RIMS1: variants seen among roughly 807,000 people sequenced by gnomAD.
RIMS1 encodes regulating synaptic membrane exocytosis protein 1.
RIMS1 carries 83 observed loss-of-function variants against 214.1 expected under a neutral mutation model. That is an observed-to-expected ratio of 0.39 (90% CI 0.32 to 0.47). RIMS1 has a LOEUF of 0.47. Ranked by LOEUF, RIMS1 falls within the 20% of genes least tolerant of loss-of-function variation. The pLI is 0.99. For synonymous variants in RIMS1, 793 were observed against 786.8 expected, an observed-to-expected ratio of 1.01 and a Z score of -0.13; for missense variants, 2,050 against 2,161.8, an observed-to-expected ratio of 0.95 and a Z score of 1.03.
chr6:72,392,720 C>A lies in RIMS1; in HGVS notation c.4528C>A (p.Leu1510Met). Reference sequence around the variant, plus strand: ...TAGTTTAATATTTCCTGGAGTGCGACTGGGAGCTGACAGTCAATTCAGTGA... The same window carrying A: ...TAGTTTAATATTTCCTGGAGTGCGAATGGGAGCTGACAGTCAATTCAGTGA... Reference protein sequence around the residue: ...EGNLIFPGVRLGADSQFSDFL... With the variant: ...EGNLIFPGVRMGADSQFSDFL... The change falls in exon 31 of 34, where the codon CTG becomes ATG. Residue 1510 changes from leucine to methionine, a missense_variant. This residue lies in a region of RIMS1 where 121 missense variants were observed against 187.3 expected (regional missense o/e 0.65). Coordinates refer to ENST00000521978, the MANE Select transcript of RIMS1 (RefSeq NM_014989.7). 6.2e-7 allele frequency: 1 copy of A among 1,613,050 alleles called. No homozygotes were observed. The highest frequency in any genetic ancestry group is 8.5e-7 in the Non-Finnish European group (1 of 1,179,124).
intron 4 of RIMS1, among the ~76,000 whole-genome samples, chr6:72,168,530 C>T: frequency 6.6e-6 from 1 of 152,208 alleles, no homozygotes; most frequent in East Asian, 1.9e-4. Context: ...GGGAGGGGAA[C>T]ATGCACAGTG....
chr6:71,958,097 G>A (rs1436155797), intron 1 of RIMS1, among the ~76,000 whole-genome samples: 2 of 152,032 alleles, frequency 1.3e-5, no homozygotes, highest in Non-Finnish European at 2.9e-5. Context: ...GAGCTTAAAC[G>A]AGTCCCTATC....
chr6:72,317,243 A>G (rs1593212440), intron 28 of RIMS1: 1 of 294,628 alleles, frequency 3.4e-6, no homozygotes, highest in East Asian at 7.0e-5. Flanking sequence ...TCTCGCAGCA[A>G]GTAGGGCCGC....
Position 72,237,858 on chromosome 6 carries a change from T to A in RIMS1, c.1893T>A (p.Leu631=). 6.2e-7 allele frequency: 1 copy of A among 1,613,562 alleles called. No homozygotes were observed. Among genetic ancestry groups the A allele is most frequent in the Non-Finnish European group, 8.5e-7 (1 of 1,179,660 alleles). ...GAAAAATGACTGACTTAGGACGACT[T>A]GGTGCTTTCATCACCAAAGTAAAGA... ...VGGKMTDLGR[L]GAFITKVKKG... The change falls in exon 9 of 34, where the codon CTT becomes CTA. Residue 631 remains leucine (L), a synonymous_variant. Coordinates refer to ENST00000521978, the MANE Select transcript of RIMS1 (RefSeq NM_014989.7).
At chr6:72,166,366 A>G (rs1262761302) in intron 4 of RIMS1, among the ~76,000 whole-genome samples, 1 of 148,778 alleles carries the variant, frequency 6.7e-6, no homozygotes, top group Non-Finnish European at 1.5e-5. Context: ...ACCTGATTTT[A>G]TTTAAACTTG....
At chr6:71,984,697 G>T (rs1246657754) in intron 2 of RIMS1, among the ~76,000 whole-genome samples, 3 of 151,948 alleles carry the variant, frequency 2.0e-5, no homozygotes, top group Non-Finnish European at 4.4e-5. Flanking sequence ...TGTAAGTTGA[G>T]TCCTGTAAGT....
chr6:72,290,689 A>G lies in RIMS1; in HGVS notation c.3565A>G (p.Thr1189Ala), dbSNP rs768861591. Residue 1189 changes from threonine to alanine, a missense_variant, in exon 25 of 34, where the codon ACA becomes GCA. Thr to Ala is a moderately conservative substitution (Grantham distance 58). Transcript: ENST00000521978. ...TASDAERVLP[T>A]CLSRRGHAAP... is the part of the protein sequence containing the mutation. The stretch of plus-strand genomic sequence containing the variant: ...GCCCTAATGTTTTAGGGTTCTCCCA[A>G]CATGTCTTTCTAGAAGGGGACACGC... 5.0e-6 allele frequency: 8 copies of G among 1,613,434 alleles called. No individual in the cohort carries two copies. The Admixed American group carries it at 1.2e-4, about 24-fold the overall frequency.
chr6:72,167,637 G>A (rs1245775569), intron 4 of RIMS1, among the ~76,000 whole-genome samples: 1 of 151,972 alleles, frequency 6.6e-6, no homozygotes, highest in Non-Finnish European at 1.5e-5. Context: ...GACTATTCGG[G>A]TTTTCAGTTT....
chr6:72,105,074 G>A lies in RIMS1; in HGVS notation c.471+5088G>A, dbSNP rs190440031. On this transcript the variant is annotated intron_variant, in intron 4 of 33. Coordinates refer to ENST00000521978, the MANE Select transcript of RIMS1 (RefSeq NM_014989.7). Reference sequence around the variant, plus strand: ...GTCTCCTGAGCAGCTAGGACCACAGGTGTGTCTGGCTAATTAAAAAAAATT... The same window carrying A: ...GTCTCCTGAGCAGCTAGGACCACAGATGTGTCTGGCTAATTAAAAAAAATT... Among the ~76,000 whole-genome samples, 710 of 151,920 alleles carry A rather than the reference G, an allele frequency of 4.7e-3. 5 individuals are homozygous for A. The highest frequency in any genetic ancestry group is 0.015 in the African/African-American group (612 of 41,488).
At chr6:71,894,101 T>C (rs73545352) in intron 1 of RIMS1, among the ~76,000 whole-genome samples, 6,193 of 152,320 alleles carry the variant, frequency 0.041, 146 homozygotes, top group African/African-American at 0.061. Flanking sequence ...AAGTGGTAGA[T>C]ATAAAATCTT....
intron 6 of RIMS1, among the ~76,000 whole-genome samples, chr6:72,208,640 G>T (rs2053316030): frequency 6.6e-6 from 1 of 152,112 alleles, no homozygotes. Context: ...GCACTCAAAA[G>T]GTCTCCTGTA....
At chr6:71,962,575 G>T (rs1008090813) in intron 1 of RIMS1, among the ~76,000 whole-genome samples, 1 of 152,080 alleles carries the variant, frequency 6.6e-6, no homozygotes, top group Non-Finnish European at 1.5e-5. Context: ...TTCCCTTATG[G>T]TGTAGAATTT....
intron 6 of RIMS1, among the ~76,000 whole-genome samples, chr6:72,228,164 A>G (rs2060833234): frequency 6.6e-6 from 1 of 151,912 alleles, no homozygotes; most frequent in South Asian, 2.1e-4. Flanking sequence ...AAGAACACTT[A>G]ACGTTAAGAT....
At chr6:72,243,281 A>T (rs903939256) in intron 10 of RIMS1, among the ~76,000 whole-genome samples, 3 of 151,714 alleles carry the variant, frequency 2.0e-5, no homozygotes, top group Non-Finnish European at 4.4e-5. Context: ...CCTCATGAAT[A>T]TATGTCAATG....
chr6:72,259,473 A>C (rs909459105), intron 18 of RIMS1, among the ~76,000 whole-genome samples: 4 of 152,132 alleles, frequency 2.6e-5, no homozygotes, highest in Admixed American at 2.6e-4. Flanking sequence ...AGTAATCATA[A>C]AAATTATGTT....
intron 19 of RIMS1, chr6:72,263,818 C>A (rs956620177): frequency 2.6e-6 from 1 of 387,028 alleles, no homozygotes; most frequent in Non-Finnish European, 3.5e-6. Flanking sequence ...CACACACACA[C>A]ACACACACAC....
chr6:72,113,691 G>A (rs2036536374), intron 4 of RIMS1, among the ~76,000 whole-genome samples: 1 of 151,878 alleles, frequency 6.6e-6, no homozygotes, highest in South Asian at 2.1e-4. Context: ...TAAACCCCAA[G>A]TGTTTTTTCT....
At chr6:72,291,280 A>T (rs866665533) in intron 25 of RIMS1, among the ~76,000 whole-genome samples, 19 of 152,176 alleles carry the variant, frequency 1.2e-4, no homozygotes, top group African/African-American at 4.1e-4. Context: ...TTCAGTTTGA[A>T]AAGTGTTTAA....
chr6:72,263,269 T>C, intron 19 of RIMS1: 1 of 984,148 alleles, frequency 1.0e-6, no homozygotes, highest in South Asian at 4.7e-5. Flanking sequence ...TTTCCCAACC[T>C]TTTTTTAGTA....
Sources: gnomAD v4.1 joint callset for allele counts (sites outside exome capture counted in the v4.1 genomes callset) on GRCh38, gnomAD v4.1.1 for gene constraint, gnomAD v4.1.1 regional missense constraint, MANE v1.5 for transcripts, NCBI Gene and HGNC (gene_info 2026-07-23, HGNC 2026-07-21) for gene names.